DAP3: variants seen among roughly 807,000 people sequenced by gnomAD.
DAP3 encodes the protein small ribosomal subunit protein mS29.
A neutral mutation model predicts 51.9 loss-of-function variants in DAP3; 28 were observed. That is an observed-to-expected ratio of 0.54 (90% CI 0.40 to 0.74). The LOEUF (loss-of-function observed/expected upper bound fraction) is 0.74. DAP3 is among the 30% of genes least tolerant of loss of function. The probability of loss-of-function intolerance (pLI) is 0.00; values close to 1 mark genes in which losing one functional copy is unlikely to be tolerated. For synonymous variants in DAP3, 170 were observed against 170.3 expected (o/e 1.00, Z 0.01); for missense variants, 458 against 483.5 (o/e 0.95, Z 0.49).
intron 11 of DAP3, among the ~76,000 whole-genome samples, chr1:155,734,209 C>G (rs1043843311): frequency 6.6e-6 from 1 of 151,986 alleles, no homozygotes; most frequent in Non-Finnish European, 1.5e-5. Flanking sequence ...TAAAATGTCC[C>G]CATCATTATT....
intron 7 of DAP3, among the ~76,000 whole-genome samples, chr1:155,728,410 A>G (rs571968191): frequency 6.6e-5 from 10 of 151,904 alleles, no homozygotes; most frequent in African/African-American, 1.2e-4. Flanking sequence ...AAAAATACAA[A>G]TATTAGCCGG....
chr1:155,711,203 CCT>C (rs1375954102), intron 2 of DAP3, among the ~76,000 whole-genome samples: 4 of 151,980 alleles, frequency 2.6e-5, no homozygotes, highest in African/African-American at 9.7e-5. Context: ...AAATAAATTT[CCT>C]CTCTCGGCCG....
At chr1:155,736,804 C>T (rs1659853635) in intron 11 of DAP3, 142 bp from the exon 12 acceptor site, 2 of 746,084 alleles carry the variant, frequency 2.7e-6, no homozygotes, top group Admixed American at 4.4e-5. Flanking sequence ...AGTCCTGTAT[C>T]AGGCAATGTT....
upstream of DAP3, chr1:155,688,685 T>C (rs1653120289): frequency 1.5e-5 from 23 of 1,529,216 alleles, no homozygotes; most frequent in East Asian, 2.4e-5. Context: ...CCAAGCCTTC[T>C]CCACCTCCTC....
intron 1 of DAP3, among the ~76,000 whole-genome samples, chr1:155,707,114 C>CA (rs1287969897): frequency 7.9e-6 from 1 of 126,462 alleles, no homozygotes; most frequent in Non-Finnish European, 1.7e-5. Flanking sequence ...ACAAAACAAA[C>CA]AAAAAAAATT....
At chr1:155,718,229 T>TA (rs1240272677) in intron 3 of DAP3, among the ~76,000 whole-genome samples, 1 of 152,020 alleles carries the variant, frequency 6.6e-6, no homozygotes, top group Admixed American at 6.6e-5. Flanking sequence ...CTACTAAAAA[T>TA]ACTAAAATTA....
At position 155,729,301 on chromosome 1, in the gene DAP3, G is replaced by A; in HGVS notation, c.778G>A (p.Val260Met). Reference protein sequence around the residue: ...QSSLGMFHLLVAVDGINALWG... With the variant: ...QSSLGMFHLLMAVDGINALWG... ...TTCTTTGGGTATGTTTCACCTCCTA[G>A]TGGCCGTGGATGGAATCAATGCTCT... The change falls in exon 9 of 13, where the codon GTG becomes ATG. Residue 260 changes from valine to methionine, a missense_variant. Val to Met is a conservative substitution (Grantham distance 21). Transcript: ENST00000368336. The A allele has an allele frequency of 6.2e-7, 1 of 1,614,180 alleles. No individual in the cohort carries two copies. The highest frequency in any genetic ancestry group is 1.1e-5 in the South Asian group (1 of 91,086).
intron 7 of DAP3, 43 bp from the exon 8 acceptor site, chr1:155,728,999 A>T: frequency 6.2e-7 from 1 of 1,604,366 alleles, no homozygotes; most frequent in Non-Finnish European, 8.5e-7. Flanking sequence ...CCTTAGGCCA[A>T]GTAGCCTTTT....
At position 155,689,138 on chromosome 1, in the gene DAP3, C is replaced by T. The variant is rs1653270238; in HGVS notation, c.-44C>T. ...GGAGCCGGCCCCAGGCAGCGTGTGT[C>T]GGTCGCCTAGTCTGGAGAACTAGTC... On this transcript the variant is annotated 5_prime_UTR_variant, in exon 1 of 13. Coordinates refer to ENST00000368336, the MANE Select transcript of DAP3 (RefSeq NM_004632.4). 2.2e-6 allele frequency: 2 copies of T among 923,654 alleles called. No homozygotes were observed. Among genetic ancestry groups the T allele is most frequent in the East Asian group, 2.6e-5 (1 of 38,276 alleles). 57.2% of individuals were successfully genotyped at this position (923,654 alleles called of 1,614,324 possible).
chr1:155,738,465 G>A lies in DAP3; in HGVS notation c.*223G>A. The A allele has an allele frequency of 2.4e-6, 1 of 418,710 alleles. No individual in the cohort carries two copies. The highest frequency in any genetic ancestry group is 4.2e-6 in the Non-Finnish European group (1 of 237,274). The allele number at this position is 418,710 out of a possible 1,614,324, so 25.9% of individuals were successfully genotyped here. ...CCTAAAACTTTATATCAGTTTATTGGATGTGGTTTTTCACATTTAAGATAA... is the reference window on the plus strand; with the variant it reads ...CCTAAAACTTTATATCAGTTTATTGAATGTGGTTTTTCACATTTAAGATAA... On this transcript the variant is annotated 3_prime_UTR_variant, in exon 13 of 13. Transcript: ENST00000368336.
chr1:155,731,590 C>CTA (rs1659248838), intron 10 of DAP3, 175 bp downstream of exon 10: 4 of 654,788 alleles, frequency 6.1e-6, no homozygotes, highest in Middle Eastern at 7.6e-4. Flanking sequence ...GAATTAAAAT[C>CTA]TATATATATG....
chr1:155,732,764 C>G (rs1659373935), intron 11 of DAP3, among the ~76,000 whole-genome samples: 1 of 152,074 alleles, frequency 6.6e-6, no homozygotes, highest in Non-Finnish European at 1.5e-5. Context: ...GTGGCTCATG[C>G]CTGTAATCCC....
rs1571524106 is a variant in DAP3 at position 155,721,384 on chromosome 1, A to G, written c.169-133A>G. ...TATATATATATGTATGTATGTGTAT[A>G]TATATATGTATGTATGTATATATAT... On this transcript the variant is annotated intron_variant, in intron 3 of 12. Coordinates refer to ENST00000368336, the MANE Select transcript of DAP3 (RefSeq NM_004632.4). 4 of 406,554 alleles carry G rather than the reference A, an allele frequency of 9.8e-6. No homozygotes were observed. In the East Asian group the frequency reaches 1.6e-4, roughly 16 times the overall value. The allele number at this position is 406,554 out of a possible 1,614,324, so 25.2% of individuals were successfully genotyped here.
In DAP3 at chr1:155,738,160, C is replaced by T. The variant is rs1659998700; in HGVS notation, c.1115C>T (p.Pro372Leu). ...CCTGTGTTTGTCTCCATTTTAGCTC[C>T]TACAGAAGAAGGGAAAAAAGAGCTG... ...ENNWLQHEKA[P>L]TEEGKKELLF... Residue 372 changes from proline (P) to leucine (L), a missense_variant, in exon 13 of 13, where the codon CCT (proline) becomes CTT (leucine). By Grantham distance (98) the Pro-to-Leu change is moderately conservative. Transcript: ENST00000368336. The T allele has an allele frequency of 6.2e-7, 1 of 1,614,166 alleles. No homozygotes were observed.
At chr1:155,735,659 C>T (rs1659702208) in intron 11 of DAP3, among the ~76,000 whole-genome samples, 1 of 151,136 alleles carries the variant, frequency 6.6e-6, no homozygotes, top group African/African-American at 2.4e-5. Flanking sequence ...TATTTTTTCC[C>T]ATTATTTTTA....
chr1:155,731,328 C>T (rs752083895), intron 9 of DAP3, 28 bp from the exon 10 acceptor site: 8 of 1,608,510 alleles, frequency 5.0e-6, no homozygotes, highest in African/African-American at 1.3e-5. Flanking sequence ...ACGTGATGAT[C>T]TCTTCTCTCT....
intron 3 of DAP3, among the ~76,000 whole-genome samples, chr1:155,721,297 A>G (rs1157708416): frequency 1.3e-5 from 2 of 151,628 alleles, no homozygotes; most frequent in Non-Finnish European, 1.5e-5. Context: ...GCACCATTGC[A>G]CTCCTGCCTG....
At chr1:155,705,994 C>T (rs368806232) in intron 1 of DAP3, among the ~76,000 whole-genome samples, 81 of 152,222 alleles carry the variant, frequency 5.3e-4, no homozygotes, top group African/African-American at 1.8e-3. Flanking sequence ...AACCACTGCA[C>T]CTGGCCTCTT....
intron 9 of DAP3, among the ~76,000 whole-genome samples, chr1:155,730,537 G>T (rs2149197298): frequency 6.6e-6 from 1 of 152,168 alleles, no homozygotes; most frequent in Non-Finnish European, 1.5e-5. Context: ...GATGGCTTGA[G>T]CCCAAGAGGC....
Sources: allele counts gnomAD v4.1 joint callset (sites outside exome capture counted in the v4.1 genomes callset), GRCh38; gene constraint gnomAD v4.1.1; transcripts MANE v1.5; gene names NCBI Gene and HGNC (gene_info 2026-07-23, HGNC 2026-07-21).